RPL11: variants seen among roughly 807,000 people sequenced by gnomAD.
RPL11 encodes ribosomal protein L11, also known as large ribosomal subunit protein uL5.
In RPL11, 3 loss-of-function variants were observed where a neutral mutation model predicts 24.1. The ratio of observed to expected loss-of-function variants is 0.12; its 90% confidence interval spans 0.06 to 0.32. The LOEUF is 0.32. Ranked by LOEUF, RPL11 falls within the 10% of genes least tolerant of loss-of-function variation. The pLI is 1.00. For synonymous variants in RPL11, 96 were observed against 75.7 expected (o/e 1.27, Z -1.39); for missense variants, 146 against 225.7 (o/e 0.65, Z 2.26).
rs370753505 is a variant in RPL11 at position 23,694,267 on chromosome 1, A to G, written c.264+354A>G. ...GTGGCGGGCTCCTGTAGTCCCAGCT[A>G]CTCGGGAAGCTGAGGCACGACAATT... On this transcript the variant is annotated intron_variant, in intron 3 of 5. Transcript: ENST00000643754. Among the ~76,000 whole-genome samples the G allele has an allele frequency of 1.8e-3, 267 of 151,982 alleles. 3 individuals carry two copies. Among genetic ancestry groups the G allele is most frequent in the African/African-American group, 6.2e-3 (258 of 41,450 alleles).
In RPL11 at chr1:23,695,906, A is replaced by G. The variant is rs1248315667; in HGVS notation, c.505A>G (p.Lys169Glu). 1.3e-6 allele frequency: 2 copies of G among 1,573,926 alleles called. No homozygotes were observed. The highest frequency in any genetic ancestry group is 3.7e-5 in the Admixed American group (2 of 53,460). ...KEEAMRWFQQ[K>E]YDGIILPGK is the part of the protein sequence containing the mutation. ...GGAGGCCATGCGCTGGTTCCAGCAG[A>G]AGGTAAAGCTGATTTATCTCAAGTG... Residue 169 changes from lysine to glutamate, a missense_variant and splice_region_variant, in exon 5 of 6, where the codon AAG becomes GAG. Lys to Glu is a moderately conservative substitution (Grantham distance 56). Coordinates refer to ENST00000643754, the MANE Select transcript of RPL11 (RefSeq NM_000975.5).
intron 2 of RPL11, among the ~76,000 whole-genome samples, 157 bp downstream of exon 2, chr1:23,692,916 T>C (rs558510831): frequency 5.4e-5 from 8 of 148,188 alleles, no homozygotes; most frequent in Non-Finnish European, 1.1e-4. Flanking sequence ...TTTTTTTTTT[T>C]ATTCAAGATG....
chr1:23,693,276 G>T (rs568975982), intron 2 of RPL11, among the ~76,000 whole-genome samples: 16 of 152,266 alleles, frequency 1.1e-4, no homozygotes, highest in Admixed American at 2.0e-4. Context: ...CATAAAGAGG[G>T]TAATACTTTA....
chr1:23,696,359 C>A lies in RPL11; in HGVS notation c.523C>A (p.Leu175Ile). The A allele has an allele frequency of 6.2e-7, 1 of 1,614,064 alleles. No homozygotes were observed. Among genetic ancestry groups the A allele is most frequent in the Non-Finnish European group, 8.5e-7 (1 of 1,179,926 alleles). Residue 175 changes from leucine (L) to isoleucine (I), a missense_variant, in exon 6 of 6, where the codon CTT becomes ATT. Coordinates refer to ENST00000643754, the MANE Select transcript of RPL11 (RefSeq NM_000975.5). ...TCTCTTTCAGTATGATGGGATCATC[C>A]TTCCTGGCAAATAAATTCCCGTTTC... The part of the protein sequence containing the change: ...WFQQKYDGII[L>I]PGK
chr1:23,692,242 A>T, intron 1 of RPL11: 1 of 424,178 alleles, frequency 2.4e-6, no homozygotes, highest in Non-Finnish European at 4.3e-6. Flanking sequence ...TGGACGTCGC[A>T]TAACCACGTG....
At chr1:23,692,479 C>A (rs572810190) in intron 1 of RPL11, 130 bp from the exon 2 acceptor site, 12 of 1,192,474 alleles carry the variant, frequency 1.0e-5, no homozygotes, top group Middle Eastern at 2.2e-4. Context: ...AAACATTATA[C>A]CTTTTAAACA....
Position 23,691,828 on chromosome 1 carries a change from C to A in RPL11, c.5C>A (p.Ala2Glu). The A allele has an allele frequency of 6.2e-7, 1 of 1,614,254 alleles. No homozygotes were observed. The highest frequency in any genetic ancestry group is 8.5e-7 in the Non-Finnish European group (1 of 1,180,042). ...TTTCTCTTCCTGCTCTCCATCATGG[C>A]GGTGAGTAGCTGGGACCTGGATTTG... Reference protein sequence around the residue: MAQDQGEKENPM... With the variant: MEQDQGEKENPM... The change falls in exon 1 of 6, where the codon GCG becomes GAG. Residue 2 changes from alanine to glutamate, a missense_variant and splice_region_variant. Physicochemically the swap from Ala to Glu is moderately radical, Grantham distance 107 (BLOSUM62 -1). Transcript: ENST00000643754.
intron 1 of RPL11, 169 bp downstream of exon 1, chr1:23,691,998 C>G (rs897666866): frequency 1.5e-5 from 14 of 909,442 alleles, no homozygotes; most frequent in Non-Finnish European, 2.5e-5. Context: ...TGAATTCTGT[C>G]ACTTTCCCTG....
chr1:23,692,780 A>C, intron 2 of RPL11, 21 bp downstream of exon 2: 1 of 1,612,462 alleles, frequency 6.2e-7, no homozygotes, highest in South Asian at 1.1e-5. Flanking sequence ...ACAAGGACAT[A>C]CAGGGTTTGC....
rs755213760 is a variant in RPL11, at chr1:23,694,706, A to G, written c.311A>G (p.Asn104Ser). The change falls in exon 4 of 6, where the codon AAC becomes AGC. Residue 104 changes from asparagine to serine, a missense_variant. Physicochemically the swap from Asn to Ser is conservative, Grantham distance 46 (BLOSUM62 1). Transcript: ENST00000643754. ...AAAAACAACTTCTCAGATACTGGAAACTTTGGTTTTGGGATCCAGGAACAC... is the reference window on the plus strand; with the variant it reads ...AAAAACAACTTCTCAGATACTGGAAGCTTTGGTTTTGGGATCCAGGAACAC... ...LRKNNFSDTG[N>S]FGFGIQEHID... 6 of 1,614,154 alleles carry G rather than the reference A, an allele frequency of 3.7e-6. No individual in the cohort carries two copies. Among genetic ancestry groups the G allele is most frequent in the Non-Finnish European group, 5.1e-6 (6 of 1,180,008 alleles).
intron 2 of RPL11, among the ~76,000 whole-genome samples, chr1:23,693,335 A>G (rs982076006): frequency 2.0e-5 from 3 of 152,230 alleles, no homozygotes; most frequent in African/African-American, 4.8e-5. Flanking sequence ...GCTTTAGGAC[A>G]GTGAAATATG....
At position 23,692,619 on chromosome 1, in the gene RPL11, G is replaced by A; in HGVS notation, c.17G>A (p.Gly6Asp). The A allele has an allele frequency of 1.2e-6, 2 of 1,614,166 alleles. No homozygotes were observed. Among genetic ancestry groups the A allele is most frequent in the Non-Finnish European group, 1.7e-6 (2 of 1,180,042 alleles). MAQDQ[G>D]EKENPMRELR... ...TCTTCCCTGTTGCAGCAGGATCAAG[G>A]TGAAAAGGAGAACCCCATGCGGGAA... Residue 6 changes from glycine (G) to aspartate (D), a missense_variant, in exon 2 of 6, where the codon GGT (glycine) becomes GAT (aspartate). Coordinates refer to ENST00000643754, the MANE Select transcript of RPL11 (RefSeq NM_000975.5).
At chr1:23,693,579 C>T (rs1644515161) in intron 2 of RPL11, among the ~76,000 whole-genome samples, 1 of 152,220 alleles carries the variant, frequency 6.6e-6, no homozygotes, top group Admixed American at 6.5e-5. Flanking sequence ...GGCGTTATGA[C>T]TGTTCTTAAC....
At position 23,692,746 on chromosome 1, in the gene RPL11, T is replaced by C; in HGVS notation, c.144T>C (p.Pro48=). ...KVLEQLTGQT[P]VFSKARYTVR... is the part of the protein sequence containing the mutation. ...TGGAGCAGCTCACAGGGCAGACCCC[T>C]GTGTTTTCCAAAGGTGAGTAGTCAC... The change falls in exon 2 of 6, where the codon CCT becomes CCC. Residue 48 remains proline (P), a synonymous_variant. Coordinates refer to ENST00000643754, the MANE Select transcript of RPL11 (RefSeq NM_000975.5). 1 of 1,613,802 alleles carries C rather than the reference T, an allele frequency of 6.2e-7. No individual in the cohort carries two copies. The highest frequency in any genetic ancestry group is 8.5e-7 in the Non-Finnish European group (1 of 1,179,980).
chr1:23,692,583 T>C lies in RPL11; in HGVS notation c.7-26T>C, dbSNP rs755498574. ...CTCAGGGCCCTCAGCTGTGAGTGTA[T>C]TGACTGCTGCTCTTCCCTGTTGCAG... On this transcript the variant is annotated intron_variant, in intron 1 of 5. Transcript: ENST00000643754. The C allele has an allele frequency of 3.1e-6, 5 of 1,613,868 alleles. No homozygotes were observed. The African/African-American group carries it at 5.3e-5, about 17-fold the overall frequency.
intron 1 of RPL11, chr1:23,692,049 C>T: frequency 1.6e-6 from 1 of 638,742 alleles, no homozygotes; most frequent in Non-Finnish European, 2.7e-6. Context: ...GCCCGGAGTG[C>T]TCAGAAGCAC....
In RPL11 at chr1:23,692,687, AGT is replaced by A; in HGVS notation, c.87_88del (p.Ser29ArgfsTer25). ...CTGTCTCAACATCTGTGTTGGGGAG[AGT>A]GGAGACAGACTGACGCGAGCAGCCA... is the stretch of plus-strand genomic sequence containing the variant. The part of the protein sequence containing the change: ...KLCLNICVGE[S>X]GDRLTRAAKV... On this transcript the variant is annotated frameshift_variant, in exon 2 of 6. Coordinates refer to ENST00000643754, the MANE Select transcript of RPL11 (RefSeq NM_000975.5). LOFTEE classifies it high-confidence loss of function. 1 of 1,614,016 alleles carries A rather than the reference AGT, an allele frequency of 6.2e-7. No individual in the cohort carries two copies. The highest frequency in any genetic ancestry group is 8.5e-7 in the Non-Finnish European group (1 of 1,180,004).
chr1:23,695,983 A>T (rs1273506653), intron 5 of RPL11, 75 bp downstream of exon 5: 2 of 1,337,354 alleles, frequency 1.5e-6, no homozygotes, highest in Non-Finnish European at 2.1e-6. Flanking sequence ...GGGATGCAAA[A>T]TATAGTACTA....
intron 4 of RPL11, chr1:23,695,056 A>G (rs1399697373): frequency 4.0e-6 from 2 of 502,700 alleles, no homozygotes; most frequent in African/African-American, 3.9e-5. Context: ...TGGATGAAGG[A>G]AACTGTTCCC....
Sources: gnomAD v4.1 joint callset for allele counts (sites outside exome capture counted in the v4.1 genomes callset) on GRCh38, gnomAD v4.1.1 for gene constraint, MANE v1.5 for transcripts, NCBI Gene and HGNC (gene_info 2026-07-23, HGNC 2026-07-21) for gene names.